The following AMBRA1 variants were observed in gnomAD, a reference collection of about 807,000 sequenced individuals.
AMBRA1 encodes activating molecule in BECN1-regulated autophagy protein 1.
Under a neutral mutation model 125.4 loss-of-function variants are expected in AMBRA1, and 47 were observed. The observed-to-expected ratio is 0.37, with a 90% CI of 0.30 to 0.48. The LOEUF is 0.48. Among genes scored for constraint, AMBRA1 ranks in the 20% least tolerant of loss-of-function variants. The pLI, the probability that AMBRA1 is intolerant of heterozygous loss-of-function variation, is 0.99. For missense variants in AMBRA1, 1,331 were observed against 1,693.4 expected (o/e 0.79, Z 3.76); for synonymous variants, 626 against 655.5 (o/e 0.95, Z 0.69).
chr11:46,582,386 A>C (rs551066222), intron 1 of AMBRA1, among the ~76,000 whole-genome samples: 4 of 152,218 alleles, frequency 2.6e-5, no homozygotes, highest in African/African-American at 9.6e-5. Context: ...CCCCTACTAT[A>C]ATCTCTTTTT....
chr11:46,451,186 G>C (rs1374919183), intron 11 of AMBRA1, among the ~76,000 whole-genome samples: 2 of 152,306 alleles, frequency 1.3e-5, no homozygotes, highest in East Asian at 3.9e-4. Flanking sequence ...TCTGATGACA[G>C]ACAAAACAAG....
chr11:46,438,649 C>G (rs1272160707), intron 12 of AMBRA1, among the ~76,000 whole-genome samples: 1 of 152,190 alleles, frequency 6.6e-6, no homozygotes, highest in Non-Finnish European at 1.5e-5. Context: ...CCCATAAACA[C>G]TCCCTGAAGG....
At chr11:46,543,940 G>A in intron 6 of AMBRA1, 35 bp downstream of exon 6, 1 of 1,558,470 alleles carries the variant, frequency 6.4e-7, no homozygotes, top group Non-Finnish European at 8.8e-7. Flanking sequence ...AGAACTCACA[G>A]TTTAGCTGGA....
chr11:46,537,358 T>G (rs1952526500), intron 7 of AMBRA1, among the ~76,000 whole-genome samples: 1 of 152,218 alleles, frequency 6.6e-6, no homozygotes, highest in South Asian at 2.1e-4. Context: ...AACCCCACTT[T>G]TGCTTACAAA....
intron 17 of AMBRA1, among the ~76,000 whole-genome samples, chr11:46,407,910 C>T (rs1174245276): frequency 3.9e-5 from 6 of 152,172 alleles, no homozygotes; most frequent in Non-Finnish European, 8.8e-5. Flanking sequence ...CAGCTGCTGA[C>T]GGACTCCTAA....
chr11:46,590,052 T>C (rs1159728114), intron 1 of AMBRA1, among the ~76,000 whole-genome samples: 1 of 152,088 alleles, frequency 6.6e-6, no homozygotes, highest in Non-Finnish European at 1.5e-5. Context: ...CTAACACATA[T>C]TGAAAATATT....
rs1952760694 is a variant in AMBRA1, at chr11:46,541,869, CA to C, written c.2072+75del. On this transcript the variant is annotated intron_variant, in intron 7 of 17. Coordinates refer to ENST00000683756, the MANE Select transcript of AMBRA1 (RefSeq NM_001387011.1). ...GTCCCAGACACTCCAGATACAGCCACAACATCTATAGGACTCAAGGAAATGA... is the reference window on the plus strand; with the variant it reads ...GTCCCAGACACTCCAGATACAGCCACACATCTATAGGACTCAAGGAAATGA... 5 of 1,562,024 alleles carry C rather than the reference CA, an allele frequency of 3.2e-6. 1 individual carries two copies. In the Admixed American group the frequency reaches 1.1e-4, roughly 33 times the overall value.
chr11:46,399,590 C>T (rs1945622943), intron 17 of AMBRA1, among the ~76,000 whole-genome samples: 1 of 152,148 alleles, frequency 6.6e-6, no homozygotes, highest in African/African-American at 2.4e-5. Flanking sequence ...CTCTCGACCT[C>T]CTGACTTCAG....
At chr11:46,546,616 G>C (rs1322322906) in intron 4 of AMBRA1, among the ~76,000 whole-genome samples, 1 of 147,494 alleles carries the variant, frequency 6.8e-6, no homozygotes, top group Non-Finnish European at 1.5e-5. Flanking sequence ...GCATGCTTAA[G>C]CTATTGCAAA....
In AMBRA1 at chr11:46,448,111, T is replaced by C. The variant is rs145094928; in HGVS notation, c.2522-4513A>G. On this transcript the variant is annotated intron_variant, in intron 11 of 17. Transcript: ENST00000683756. ...TGCCAGGGCCAAGAGAGAGAAGTGT[T>C]TAATCTGAAGATTAAAATAAACTGT... Among the ~76,000 whole-genome samples, 959 of 152,304 alleles carry C rather than the reference T, an allele frequency of 6.3e-3. 9 individuals carry two copies. The highest frequency in any genetic ancestry group is 0.015 in the African/African-American group (634 of 41,542).
intron 14 of AMBRA1, among the ~76,000 whole-genome samples, chr11:46,424,053 G>A (rs1386153019): frequency 6.6e-6 from 1 of 151,718 alleles, no homozygotes; most frequent in Non-Finnish European, 1.5e-5. Flanking sequence ...ATGAGCCACC[G>A]TGCCCAGCCA....
At chr11:46,553,517 C>T (rs540938883) in intron 1 of AMBRA1, among the ~76,000 whole-genome samples, 20 of 151,982 alleles carry the variant, frequency 1.3e-4, no homozygotes, top group East Asian at 3.9e-4. Flanking sequence ...GAGGCCAAGG[C>T]GGGCAGATCA....
At chr11:46,585,543 G>A (rs1350398553) in intron 1 of AMBRA1, among the ~76,000 whole-genome samples, 4 of 144,138 alleles carry the variant, frequency 2.8e-5, no homozygotes, top group African/African-American at 1.0e-4. Context: ...GCACACGCCT[G>A]TAGTCCCAGC....
intron 1 of AMBRA1, among the ~76,000 whole-genome samples, chr11:46,561,958 A>G (rs1395124146): frequency 6.6e-6 from 1 of 152,226 alleles, no homozygotes; most frequent in Non-Finnish European, 1.5e-5. Flanking sequence ...TTGATTAAGC[A>G]GGTATTATGT....
intron 7 of AMBRA1, among the ~76,000 whole-genome samples, chr11:46,517,226 C>T (rs1951533173): frequency 6.8e-6 from 1 of 147,626 alleles, no homozygotes; most frequent in African/African-American, 2.5e-5. Flanking sequence ...CGGCTCACTG[C>T]AACCTCCGCC....
At chr11:46,428,987 C>T (rs908587473) in intron 14 of AMBRA1, 26 of 1,612,188 alleles carry the variant, frequency 1.6e-5, no homozygotes, top group East Asian at 8.9e-5. Context: ...CACGTAGCCT[C>T]GGGACTTGAG....
At chr11:46,463,742 C>T (rs1949201151) in intron 11 of AMBRA1, among the ~76,000 whole-genome samples, 1 of 152,172 alleles carries the variant, frequency 6.6e-6, no homozygotes, top group South Asian at 2.1e-4. Context: ...CTACATAGCA[C>T]AGTACTCGGG....
At chr11:46,585,043 T>C (rs1483258820) in intron 1 of AMBRA1, among the ~76,000 whole-genome samples, 2 of 151,620 alleles carry the variant, frequency 1.3e-5, no homozygotes, top group African/African-American at 4.9e-5. Context: ...CACTCCAGCC[T>C]GGGCGACTGT....
chr11:46,573,576 T>C (rs2043843708), intron 1 of AMBRA1, among the ~76,000 whole-genome samples: 1 of 152,118 alleles, frequency 6.6e-6, no homozygotes, highest in Admixed American at 6.6e-5. Flanking sequence ...TTTCAATCTT[T>C]AGATTGGTTT....
Sources: allele counts gnomAD v4.1 joint callset (sites outside exome capture counted in the v4.1 genomes callset), GRCh38; gene constraint gnomAD v4.1.1; transcripts MANE v1.5; gene names NCBI Gene and HGNC (gene_info 2026-07-23, HGNC 2026-07-21).